Variants in MICAL3 observed in about 807,000 individuals in gnomAD.
The protein encoded by MICAL3 is [F-actin]-monooxygenase MICAL3.
A neutral mutation model predicts 207.4 loss-of-function variants in MICAL3; 62 were observed. The observed-to-expected ratio is 0.30, with a 90% CI of 0.24 to 0.37. The LOEUF is 0.37. MICAL3 is among the 10% of genes least tolerant of loss of function. The pLI is 1.00. For synonymous variants in MICAL3, 1,077 were observed against 1,069.3 expected, an observed-to-expected ratio of 1.01 and a Z score of -0.14; for missense variants, 2,368 against 2,635.6, an observed-to-expected ratio of 0.90 and a Z score of 2.22.
At chr22:17,877,513 G>T (rs62240573) in intron 16 of MICAL3, among the ~76,000 whole-genome samples, 1,664 of 79,038 alleles carry the variant, frequency 0.021, 7 homozygotes, top group Non-Finnish European at 0.027. Flanking sequence ...ATGGAGGTTA[G>T]GGAGGTTAGG....
At chr22:17,887,571 T>A in intron 13 of MICAL3, 136 bp from the exon 14 acceptor site, 1 of 599,826 alleles carries the variant, frequency 1.7e-6, no homozygotes, top group Non-Finnish European at 3.0e-6. Flanking sequence ...AGGACAAGCA[T>A]GTGGTCTCAG....
chr22:17,865,148 G>A (rs1926951217), intron 18 of MICAL3, among the ~76,000 whole-genome samples, 162 bp from the exon 19 acceptor site: 1 of 150,726 alleles, frequency 6.6e-6, no homozygotes, highest in Non-Finnish European at 1.5e-5. Flanking sequence ...GGCCTTGCTG[G>A]CACCCAGGCT....
At chr22:17,801,786 C>T (rs1421532876) in intron 29 of MICAL3, among the ~76,000 whole-genome samples, 2 of 151,844 alleles carry the variant, frequency 1.3e-5, no homozygotes, top group Non-Finnish European at 1.5e-5. Context: ...CCCAGCTACT[C>T]GGGAGGCTGA....
intron 17 of MICAL3, among the ~76,000 whole-genome samples, chr22:17,870,850 C>T (rs1429263040): frequency 1.3e-5 from 2 of 152,186 alleles, no homozygotes; most frequent in South Asian, 2.1e-4. Flanking sequence ...CAGCCTTTCT[C>T]GGCTCACCTC....
intron 1 of MICAL3, among the ~76,000 whole-genome samples, chr22:18,000,349 T>C (rs886213809): frequency 6.6e-6 from 1 of 152,204 alleles, no homozygotes; most frequent in Non-Finnish European, 1.5e-5. Context: ...TTAAACACCA[T>C]TAAAAGAACA....
chr22:17,915,420 C>T (rs1026447246), intron 1 of MICAL3, among the ~76,000 whole-genome samples: 4 of 152,268 alleles, frequency 2.6e-5, no homozygotes, highest in South Asian at 2.1e-4. Flanking sequence ...TCCAGCAGTC[C>T]GAAGGGAGAG....
chr22:17,826,142 C>T (rs925949775), intron 22 of MICAL3, among the ~76,000 whole-genome samples: 1 of 152,246 alleles, frequency 6.6e-6, no homozygotes, highest in Non-Finnish European at 1.5e-5. Context: ...TCATTCTCAA[C>T]ACATTTTAAA....
chr22:18,003,179 C>A (rs546079092), intron 1 of MICAL3, among the ~76,000 whole-genome samples: 4 of 149,832 alleles, frequency 2.7e-5, no homozygotes, highest in Admixed American at 1.3e-4. Context: ...AAAAAAAGAA[C>A]TTTAGTTGAA....
chr22:17,806,021 C>T (rs752832410), intron 29 of MICAL3, among the ~76,000 whole-genome samples: 6 of 152,168 alleles, frequency 3.9e-5, no homozygotes, highest in East Asian at 1.9e-4. Flanking sequence ...TGAGCCACCG[C>T]GCCCGGCCCA....
chr22:17,971,294 C>A (rs879276271), intron 1 of MICAL3, among the ~76,000 whole-genome samples: 2 of 152,124 alleles, frequency 1.3e-5, no homozygotes, highest in African/African-American at 4.8e-5. Context: ...ATGGTGAAAC[C>A]CCATCTCTAC....
intron 16 of MICAL3, chr22:17,875,361 G>T: frequency 2.6e-6 from 2 of 765,982 alleles, no homozygotes; most frequent in Non-Finnish European, 3.9e-6. Flanking sequence ...GAACACTGCA[G>T]CCTCCTGGGG....
chr22:17,875,408 G>T, intron 16 of MICAL3: 1 of 1,325,016 alleles, frequency 7.5e-7, no homozygotes, highest in South Asian at 1.4e-5. Context: ...AGTGGAGGCT[G>T]CGGAGGGCAG....
intron 1 of MICAL3, among the ~76,000 whole-genome samples, chr22:17,984,188 A>C (rs1026527392): frequency 3.3e-5 from 5 of 151,782 alleles, no homozygotes; most frequent in African/African-American, 1.2e-4. Flanking sequence ...CAACACCTAG[A>C]CTCAGGATTT....
rs1202051524 is a variant in MICAL3 at position 17,800,083 on chromosome 22, C to CA, written c.5650+8760dup. On this transcript the variant is annotated intron_variant, in intron 29 of 31. Coordinates refer to ENST00000441493, the MANE Select transcript of MICAL3 (RefSeq NM_015241.3). Reference sequence around the variant, plus strand: ...ACCAAGAACCTATCAACATGAAACTCAGAGAAGCAGAGAGAACAGGAAGAC... The same window carrying CA: ...ACCAAGAACCTATCAACATGAAACTCAAGAGAAGCAGAGAGAACAGGAAGAC... 2.6e-5 allele frequency among the ~76,000 whole-genome samples: 4 copies of CA among 152,160 alleles called. No individual in the cohort carries two copies. In the East Asian group the frequency reaches 7.7e-4, roughly 29 times the overall value.
chr22:17,834,217 C>T (rs1923113604), intron 20 of MICAL3: 1 of 1,083,150 alleles, frequency 9.2e-7, no homozygotes, highest in Non-Finnish European at 1.1e-6. Flanking sequence ...TCTGAGTTTG[C>T]TCAATGACAC....
Position 17,861,014 on chromosome 22 carries a change from T to TA in MICAL3, c.2605+3884dup, listed in dbSNP as rs985857210. ...ATACATACAAACGTGTACCTATATA[T>TA]AAACATTCACACATCACCGTCAGCT... On this transcript the variant is annotated intron_variant, in intron 19 of 31. Transcript: ENST00000441493. The TA allele has an allele frequency of 2.2e-5, 22 of 985,404 alleles. No individual in the cohort carries two copies. In the Middle Eastern group the frequency reaches 1.6e-3, roughly 70 times the overall value. The allele number at this position is 985,404 out of a possible 1,614,324, so 61.0% of individuals were successfully genotyped here.
rs115529434 is a variant in MICAL3, at chr22:17,906,850, G to T, written c.-38C>A. 1,383 of 1,533,224 alleles carry T rather than the reference G, an allele frequency of 9.0e-4. 14 individuals are homozygous for T. The African/African-American group carries it at 0.018, about 20-fold the overall frequency. 95.0% of individuals were successfully genotyped at this position (1,533,224 alleles called of 1,614,324 possible). On this transcript the variant is annotated 5_prime_UTR_variant, in exon 2 of 32. Coordinates refer to ENST00000441493, the MANE Select transcript of MICAL3 (RefSeq NM_015241.3). ...TCAGCACTCCCCAGAGGGGGAGGTG[G>T]GATGGCTGTGGGTCCACCTGACACT...
chr22:18,015,123 G>C (rs1377493904), intron 1 of MICAL3, among the ~76,000 whole-genome samples: 1 of 152,142 alleles, frequency 6.6e-6, no homozygotes, highest in African/African-American at 2.4e-5. Context: ...GCAGTCAGTA[G>C]ATATTCACAA....
chr22:17,946,903 C>A (rs1364491271), intron 1 of MICAL3, among the ~76,000 whole-genome samples: 2 of 152,138 alleles, frequency 1.3e-5, no homozygotes, highest in Non-Finnish European at 2.9e-5. Flanking sequence ...CAGCAAAGGG[C>A]CCAGCTGAAC....
Sources: gnomAD v4.1 joint callset for allele counts (sites outside exome capture counted in the v4.1 genomes callset) on GRCh38, gnomAD v4.1.1 for gene constraint, MANE v1.5 for transcripts, NCBI Gene and HGNC (gene_info 2026-07-23, HGNC 2026-07-21) for gene names.